RASAL2: variants seen among roughly 807,000 people sequenced by gnomAD.
RASAL2 encodes the protein RAS protein activator like 2.
In RASAL2, 58 loss-of-function variants were observed where a neutral mutation model predicts 128.9. That is an observed-to-expected ratio of 0.45 (90% CI 0.36 to 0.56). The LOEUF is 0.56. Ranked by LOEUF, RASAL2 falls within the 20% of genes least tolerant of loss-of-function variation. The pLI is 0.00. For missense variants in RASAL2, 1,360 were observed against 1,601.6 expected, an observed-to-expected ratio of 0.85 and a Z score of 2.57; for synonymous variants, 561 against 580.8, an observed-to-expected ratio of 0.97 and a Z score of 0.49.
At chr1:178,420,464 A>C (rs1281338650) in intron 4 of RASAL2, 47 bp from the exon 5 acceptor site, 5 of 1,294,256 alleles carry the variant, frequency 3.9e-6, no homozygotes, top group Non-Finnish European at 5.5e-6. Context: ...GACGAGTAAC[A>C]TTCCCTTTTG....
chr1:178,367,936 A>G (rs913981748), intron 3 of RASAL2, among the ~76,000 whole-genome samples: 1 of 152,090 alleles, frequency 6.6e-6, no homozygotes, highest in African/African-American at 2.4e-5. Context: ...TAAATCAGGG[A>G]TCATTTAAGT....
chr1:178,148,426 T>C (rs1660801763), intron 1 of RASAL2, among the ~76,000 whole-genome samples: 1 of 151,786 alleles, frequency 6.6e-6, no homozygotes, highest in Non-Finnish European at 1.5e-5. Flanking sequence ...GGTTAATCTA[T>C]TTCATTCTTA....
At chr1:178,123,942 G>A (rs987303620) in intron 1 of RASAL2, 2 of 152,314 alleles carry the variant, frequency 1.3e-5, no homozygotes, top group South Asian at 2.1e-4. Context: ...CAAAGTGCTG[G>A]GATTATAGGC....
chr1:178,175,276 G>A (rs748701150), intron 1 of RASAL2, among the ~76,000 whole-genome samples: 6 of 151,900 alleles, frequency 3.9e-5, no homozygotes, highest in East Asian at 1.9e-4. Context: ...GGGAAAAGTC[G>A]TATATGAGAG....
chr1:178,246,267 C>G (rs900219833), intron 1 of RASAL2, among the ~76,000 whole-genome samples: 3 of 151,958 alleles, frequency 2.0e-5, no homozygotes, highest in Non-Finnish European at 2.9e-5. Context: ...TAGTTCTCCT[C>G]GAAGAGGTCC....
At chr1:178,325,794 T>G (rs923689592) in intron 3 of RASAL2, among the ~76,000 whole-genome samples, 4 of 152,194 alleles carry the variant, frequency 2.6e-5, no homozygotes, top group African/African-American at 7.2e-5. Context: ...ACTAAATGTG[T>G]TACTGCAGTT....
intron 1 of RASAL2, among the ~76,000 whole-genome samples, chr1:178,189,980 A>G (rs1662433338): frequency 2.0e-5 from 3 of 152,104 alleles, no homozygotes; most frequent in Admixed American, 2.0e-4. Context: ...CATGCTGAGT[A>G]GTGTCATGTC....
At chr1:178,213,017 G>A (rs777776634) in intron 1 of RASAL2, among the ~76,000 whole-genome samples, 13 of 152,044 alleles carry the variant, frequency 8.6e-5, no homozygotes, top group Non-Finnish European at 1.6e-4. Flanking sequence ...CAACCACTTT[G>A]GAAAACTGTG....
chr1:178,324,899 A>ACCCACC (rs1305468514), intron 3 of RASAL2, among the ~76,000 whole-genome samples: 3 of 152,158 alleles, frequency 2.0e-5, no homozygotes, highest in African/African-American at 7.2e-5. Flanking sequence ...TTGGCTTGTT[A>ACCCACC]TGACCCCCTT....
intron 3 of RASAL2, among the ~76,000 whole-genome samples, chr1:178,314,830 G>C (rs1668427014): frequency 6.6e-6 from 1 of 151,282 alleles, no homozygotes; most frequent in Admixed American, 6.6e-5. Flanking sequence ...GGGTACATGT[G>C]CACATTGTGC....
At chr1:178,389,691 A>T (rs1672782385) in intron 3 of RASAL2, among the ~76,000 whole-genome samples, 1 of 152,200 alleles carries the variant, frequency 6.6e-6, no homozygotes, top group Middle Eastern at 3.2e-3. Flanking sequence ...AACACCATCA[A>T]ATCATATGCA....
chr1:178,345,315 C>G (rs1670094962), intron 3 of RASAL2, among the ~76,000 whole-genome samples: 1 of 152,048 alleles, frequency 6.6e-6, no homozygotes, highest in South Asian at 2.1e-4. Context: ...CCTGGTTCTG[C>G]TTGCTCTTTC....
intron 1 of RASAL2, among the ~76,000 whole-genome samples, chr1:178,164,482 TG>T (rs1661445003): frequency 1.8e-4 from 1 of 5,698 alleles, no homozygotes; most frequent in Non-Finnish European, 1.1e-3. Context: ...AATTAGCATT[TG>T]TGTGTGTGTG....
chr1:178,139,543 A>G (rs532202327), intron 1 of RASAL2, among the ~76,000 whole-genome samples: 16 of 152,128 alleles, frequency 1.1e-4, no homozygotes, highest in Non-Finnish European at 2.2e-4. Flanking sequence ...AATTCCCAAT[A>G]TGGCACAGAG....
Position 178,380,312 on chromosome 1 carries a change from A to G in RASAL2, c.458-9788A>G, listed in dbSNP as rs1414007255. Among the ~76,000 whole-genome samples, 3 of 152,216 alleles carry G rather than the reference A, an allele frequency of 2.0e-5. No homozygotes were observed. The East Asian group carries it at 5.8e-4, about 29-fold the overall frequency. On this transcript the variant is annotated intron_variant, in intron 3 of 17. Coordinates refer to ENST00000367649, the MANE Select transcript of RASAL2 (RefSeq NM_170692.4). ...TTTCTGTGATAGCCATGTCACTAAT[A>G]GAGAGATCAAAAGAAAAAGAAAAAA... is the stretch of plus-strand genomic sequence containing the variant.
At chr1:178,160,173 A>G (rs1160882284) in intron 1 of RASAL2, among the ~76,000 whole-genome samples, 1 of 152,104 alleles carries the variant, frequency 6.6e-6, no homozygotes, top group Admixed American at 6.6e-5. Flanking sequence ...ACAAACTACA[A>G]TAGAACTAGT....
intron 13 of RASAL2, 31 bp downstream of exon 13, chr1:178,456,930 G>A (rs748847940): frequency 1.2e-5 from 19 of 1,590,150 alleles, no homozygotes; most frequent in South Asian, 7.8e-5. Flanking sequence ...CCACTATCTC[G>A]GAGAAACATA....
intron 4 of RASAL2, among the ~76,000 whole-genome samples, chr1:178,391,091 C>T (rs192034356): frequency 6.6e-6 from 1 of 152,172 alleles, no homozygotes; most frequent in African/African-American, 2.4e-5. Flanking sequence ...CTTAAATTGA[C>T]CAGGCAGTAT....
chr1:178,353,459 C>G (rs1670629449), intron 3 of RASAL2, among the ~76,000 whole-genome samples: 1 of 152,198 alleles, frequency 6.6e-6, no homozygotes, highest in African/African-American at 2.4e-5. Flanking sequence ...TCATCTCCAT[C>G]TGAGACCTCT....
Sources: gnomAD v4.1 joint callset for allele counts (sites outside exome capture counted in the v4.1 genomes callset) on GRCh38, gnomAD v4.1.1 for gene constraint, MANE v1.5 for transcripts, NCBI Gene and HGNC (gene_info 2026-07-23, HGNC 2026-07-21) for gene names.